Variants in DGLUCY observed in about 807,000 individuals in gnomAD.
The protein encoded by DGLUCY is D-glutamate cyclase, mitochondrial.
A neutral mutation model predicts 58.5 loss-of-function variants in DGLUCY; 58 were observed. The observed-to-expected ratio is 0.99, with a 90% confidence interval of 0.80 to 1.23. DGLUCY has a LOEUF of 1.23. DGLUCY is among the 50% of genes most tolerant of loss of function. The pLI, the probability that DGLUCY is intolerant of heterozygous loss-of-function variation, is 0.00. For missense variants in DGLUCY, 779 were observed against 784.7 expected (o/e 0.99, Z 0.09); for synonymous variants, 325 against 314.1 (o/e 1.03, Z -0.37).
intron 1 of DGLUCY, among the ~76,000 whole-genome samples, chr14:91,149,295 A>C (rs906268128): frequency 1.3e-5 from 2 of 152,070 alleles, no homozygotes; most frequent in African/African-American, 4.8e-5. Flanking sequence ...CTGAGGCCCA[A>C]AGAGTTTGCA....
chr14:91,199,210 C>T (rs1484084689), intron 10 of DGLUCY, among the ~76,000 whole-genome samples: 1 of 151,886 alleles, frequency 6.6e-6, no homozygotes, highest in African/African-American at 2.4e-5. Flanking sequence ...TGGCCTCCTG[C>T]TTTTATAGCC....
chr14:91,134,634 C>A (rs575155481), intron 1 of DGLUCY, among the ~76,000 whole-genome samples: 2 of 151,932 alleles, frequency 1.3e-5, no homozygotes, highest in Non-Finnish European at 2.9e-5. Context: ...GACAGGGTTT[C>A]GCCATGTTGC....
At chr14:91,155,749 A>G (rs1052052886) in intron 1 of DGLUCY, among the ~76,000 whole-genome samples, 3 of 150,084 alleles carry the variant, frequency 2.0e-5, no homozygotes, top group Non-Finnish European at 4.4e-5. Context: ...GTGAATTGTG[A>G]TTGTACCACT....
rs551745547 is a variant in DGLUCY at position 91,080,163 on chromosome 14, A to G, written c.-82+19459A>G. Among the ~76,000 whole-genome samples, 74 of 152,324 alleles carry G rather than the reference A, an allele frequency of 4.9e-4. 1 individual carries two copies. The South Asian group carries it at 0.014, about 30-fold the overall frequency. ...TCCTTTTTATGGCTTGTGTATATAT[A>G]CCATACATTCTGCTTGTCTATTCAT... On this transcript the variant is annotated intron_variant, in intron 1 of 4. Coordinates refer to the DGLUCY transcript ENST00000521334.
intron 1 of DGLUCY, among the ~76,000 whole-genome samples, chr14:91,079,229 T>G (rs1255013754): frequency 6.6e-6 from 1 of 152,082 alleles, no homozygotes; most frequent in African/African-American, 2.4e-5. Context: ...TCAAAAATTT[T>G]TAACACTTGG....
chr14:91,127,901 C>G lies in DGLUCY; in HGVS notation c.-82+13618C>G, dbSNP rs552241037. Among the ~76,000 whole-genome samples, 25 of 151,564 alleles carry G rather than the reference C, an allele frequency of 1.6e-4. No individual in the cohort carries two copies. In the South Asian group the frequency reaches 5.2e-3, roughly 32 times the overall value. On this transcript the variant is annotated intron_variant, in intron 1 of 13. Coordinates refer to ENST00000256324, the MANE Select transcript of DGLUCY (RefSeq NM_001102368.3). ...TTACTGAAGGCTGAAGAAGGGGCAG[C>G]ACACCCCAGGCACCTGGCTTTTTTT...
At chr14:91,106,700 C>CT (rs1173357103), upstream of DGLUCY, among the ~76,000 whole-genome samples, 1 of 74,656 alleles carries the variant, frequency 1.3e-5, no homozygotes, top group Non-Finnish European at 3.0e-5. Flanking sequence ...AAGCGAGACT[C>CT]TGTCTCAAAA....
At chr14:91,074,107 ATATAT>A (rs1566930425) in intron 1 of DGLUCY, among the ~76,000 whole-genome samples, 331 of 77,228 alleles carry the variant, frequency 4.3e-3, no homozygotes, top group African/African-American at 0.014. Flanking sequence ...AAAAAAAAAT[ATATAT>A]ATATATACAC....
At chr14:91,082,842 C>T (rs976607006) in intron 1 of DGLUCY, among the ~76,000 whole-genome samples, 4 of 152,152 alleles carry the variant, frequency 2.6e-5, no homozygotes, top group Non-Finnish European at 5.9e-5. Context: ...CAGCCTCGAC[C>T]TCCTGGGCTC....
chr14:91,183,784 C>A (rs757312158), intron 8 of DGLUCY, among the ~76,000 whole-genome samples: 15 of 152,150 alleles, frequency 9.9e-5, no homozygotes, highest in Non-Finnish European at 2.1e-4. Context: ...CTGCTGACTT[C>A]AAGCCTATGA....
In DGLUCY at chr14:91,167,236, G is replaced by A. The variant is rs1266595731; in HGVS notation, c.115G>A (p.Ala39Thr). 1 of 1,590,658 alleles carries A rather than the reference G, an allele frequency of 6.3e-7. No homozygotes were observed. Among genetic ancestry groups the A allele is most frequent in the African/African-American group, 1.4e-5 (1 of 73,324 alleles). The change falls in exon 4 of 14, where the codon GCC (alanine) becomes ACC (threonine). Residue 39 changes from alanine to threonine, a missense_variant. Coordinates refer to ENST00000256324, the MANE Select transcript of DGLUCY (RefSeq NM_001102368.3). ...CCCACCATACCCAGAGCTCCGACCA[G>A]CCAGCCTGGTGGTCCTGCCCAGGTC... ...TSSMAGELRP[A>T]SLVVLPRSLA... is the part of the protein sequence containing the mutation.
At chr14:91,162,845 C>T (rs1283356127) in intron 3 of DGLUCY, among the ~76,000 whole-genome samples, 1 of 150,396 alleles carries the variant, frequency 6.6e-6, no homozygotes, top group Non-Finnish European at 1.5e-5. Flanking sequence ...TGCAGTGAGC[C>T]GAGATCGCAC....
intron 12 of DGLUCY, among the ~76,000 whole-genome samples, chr14:91,208,893 G>A (rs556535709): frequency 1.6e-4 from 24 of 152,318 alleles, no homozygotes; most frequent in African/African-American, 5.5e-4. Context: ...GTAAATGTAT[G>A]TTGCAAACTC....
At chr14:91,193,981 G>A (rs2050058766) in intron 9 of DGLUCY, among the ~76,000 whole-genome samples, 1 of 152,088 alleles carries the variant, frequency 6.6e-6, no homozygotes, top group Admixed American at 6.6e-5. Flanking sequence ...CTCCTTTTTG[G>A]GGATTCTCCT....
Position 91,189,046 on chromosome 14 carries a change from T to C in DGLUCY, c.1071T>C (p.Asp357=), listed in dbSNP as rs770740906. 28 of 1,614,150 alleles carry C rather than the reference T, an allele frequency of 1.7e-5. No homozygotes were observed. Among genetic ancestry groups the C allele is most frequent in the Non-Finnish European group, 2.2e-5 (26 of 1,180,024 alleles). The change falls in exon 9 of 14, where the codon GAT becomes GAC. Residue 357 remains aspartate (D), a synonymous_variant. Transcript: ENST00000256324. The part of the protein sequence containing the change: ...HFNHEPPEET[D]GPPGAVALVA... Reference sequence around the variant, plus strand: ...ATCATGAGCCTCCAGAAGAGACAGATGGCCCACCAGGAGCTGTTGCTCTGG... The same window carrying C: ...ATCATGAGCCTCCAGAAGAGACAGACGGCCCACCAGGAGCTGTTGCTCTGG...
intron 13 of DGLUCY, among the ~76,000 whole-genome samples, chr14:91,223,314 A>G (rs1455800630): frequency 2.0e-5 from 3 of 152,186 alleles, no homozygotes; most frequent in African/African-American, 2.4e-5. Flanking sequence ...CAGGTGTTCA[A>G]TAAACCTTTG....
At chr14:91,179,828 ACTTT>A (rs953595277) in intron 7 of DGLUCY, among the ~76,000 whole-genome samples, 7 of 147,752 alleles carry the variant, frequency 4.7e-5, no homozygotes, top group Non-Finnish European at 7.5e-5. Context: ...TTTGCTGAAC[ACTTT>A]CTTAAAAATT....
upstream of DGLUCY, among the ~76,000 whole-genome samples, chr14:91,103,798 AAC>A (rs1412139656): frequency 2.0e-5 from 3 of 150,712 alleles, no homozygotes; most frequent in Admixed American, 6.7e-5. Flanking sequence ...CGCACACACA[AAC>A]ACATATATGA....
At chr14:91,060,335 T>C (rs753889864) in exon 1 of DGLUCY, 2 of 1,393,920 alleles carry the variant, frequency 1.4e-6, no homozygotes, top group Middle Eastern at 2.1e-4. Flanking sequence ...CGCTCACCAG[T>C]CCGCAGCTCG....
Sources: gnomAD v4.1 joint callset for allele counts (sites outside exome capture counted in the v4.1 genomes callset) on GRCh38, gnomAD v4.1.1 for gene constraint, MANE v1.5 for transcripts, NCBI Gene and HGNC (gene_info 2026-07-23, HGNC 2026-07-21) for gene names.